KIFBP: variants seen among roughly 807,000 people sequenced by gnomAD.
KIFBP encodes the protein kinesin family binding protein.
Under a neutral mutation model 58.9 loss-of-function variants are expected in KIFBP, and 46 were observed. The observed-to-expected ratio is 0.78, with a 90% CI of 0.62 to 1.00. The LOEUF is 1.00. Among genes scored for constraint, KIFBP ranks in the 50% least tolerant of loss-of-function variants. The pLI, the probability that KIFBP is intolerant of heterozygous loss-of-function variation, is 0.00. For synonymous variants in KIFBP, 241 were observed against 283.4 expected (o/e 0.85, Z 1.50); for missense variants, 651 against 752.9 (o/e 0.86, Z 1.58).
chr10:68,991,433 C>A, intron 1 of KIFBP: 1 of 365,748 alleles, frequency 2.7e-6, no homozygotes, highest in Non-Finnish European at 5.7e-6. Context: ...AAAAAGATTG[C>A]AATTATCTGT....
intron 1 of KIFBP, among the ~76,000 whole-genome samples, chr10:68,997,284 T>C (rs1356109481): frequency 6.6e-6 from 1 of 152,204 alleles, no homozygotes; most frequent in East Asian, 1.9e-4. Context: ...AAGGGTGATA[T>C]GGTTTGGCTC....
At chr10:68,996,781 A>T (rs1208072852) in intron 1 of KIFBP, among the ~76,000 whole-genome samples, 1 of 152,022 alleles carries the variant, frequency 6.6e-6, no homozygotes, top group Non-Finnish European at 1.5e-5. Context: ...TGAACCCAGG[A>T]GGTGGAGGTT....
In KIFBP at chr10:69,015,538, C is replaced by T. The variant is rs1037710551; in HGVS notation, c.991-3C>T. 1.2e-5 allele frequency: 19 copies of T among 1,609,716 alleles called. No individual in the cohort carries two copies. The highest frequency in any genetic ancestry group is 3.4e-5 in the Admixed American group (2 of 58,948). On this transcript the variant is annotated splice_polypyrimidine_tract_variant and splice_region_variant and intron_variant, in intron 6 of 6. Coordinates refer to ENST00000361983, the MANE Select transcript of KIFBP (RefSeq NM_015634.4). ...AACCATAATTTATTTTTTTTTCCTTCAGGACAACATAGGAGAGCTTGATCT... is the reference window on the plus strand; with the variant it reads ...AACCATAATTTATTTTTTTTTCCTTTAGGACAACATAGGAGAGCTTGATCT...
At chr10:69,012,144 T>C (rs1244301795) in intron 6 of KIFBP, among the ~76,000 whole-genome samples, 1 of 152,176 alleles carries the variant, frequency 6.6e-6, no homozygotes, top group African/African-American at 2.4e-5. Flanking sequence ...GGACTTGAAA[T>C]ACACTAGGTA....
rs79885795 is a variant in KIFBP at position 68,992,976 on chromosome 10, G to A, written c.426+3718G>A. Among the ~76,000 whole-genome samples, 338 of 152,202 alleles carry A rather than the reference G, an allele frequency of 2.2e-3. 2 individuals carry two copies. Among genetic ancestry groups the A allele is most frequent in the African/African-American group, 7.6e-3 (317 of 41,524 alleles). ...ACTGAACCTCCACAGAGAGCATGTG[G>A]TGCCCCTGCCCTTTCAAGATAATTT... is the stretch of plus-strand genomic sequence containing the variant. On this transcript the variant is annotated intron_variant, in intron 1 of 6. Transcript: ENST00000361983.
intron 6 of KIFBP, among the ~76,000 whole-genome samples, chr10:69,014,072 A>G (rs1038690984): frequency 1.3e-5 from 2 of 152,090 alleles, no homozygotes; most frequent in African/African-American, 4.8e-5. Flanking sequence ...TTTTAACCTT[A>G]ACTTCATCCT....
rs151310335 is a variant in KIFBP, at chr10:69,013,277, A to C, written c.990+2262A>C. 2.3e-3 allele frequency among the ~76,000 whole-genome samples: 344 copies of C among 152,310 alleles called. 1 individual carries two copies. Among genetic ancestry groups the C allele is most frequent in the African/African-American group, 7.9e-3 (327 of 41,556 alleles). On this transcript the variant is annotated intron_variant, in intron 6 of 6. Coordinates refer to ENST00000361983, the MANE Select transcript of KIFBP (RefSeq NM_015634.4). ...AAACTACTAAACGAAAGAAAACCAAACAAACAAACCTCAACACATCAGAAG... is the reference window on the plus strand; with the variant it reads ...AAACTACTAAACGAAAGAAAACCAACCAAACAAACCTCAACACATCAGAAG...
At position 68,990,863 on chromosome 10, in the gene KIFBP, ATTCCGTTACATCC is replaced by A. The variant is rs1428541345; in HGVS notation, c.426+1606_426+1618del. Among the ~76,000 whole-genome samples the A allele has an allele frequency of 2.6e-5, 4 of 152,266 alleles. No individual in the cohort carries two copies. The East Asian group carries it at 7.7e-4, about 29-fold the overall frequency. ...TAAATGTCAGTAGGAATATGATTAA[ATTCCGTTACATCC>A]AAACAGAAGAACAGTACACAATTAT... On this transcript the variant is annotated intron_variant, in intron 1 of 6. Coordinates refer to ENST00000361983, the MANE Select transcript of KIFBP (RefSeq NM_015634.4).
rs1391894394 is a variant in KIFBP at position 69,015,853 on chromosome 10, T to G, written c.1303T>G (p.Phe435Val). 1.1e-5 allele frequency: 17 copies of G among 1,614,208 alleles called. No individual in the cohort carries two copies. The highest frequency in any genetic ancestry group is 1.4e-5 in the Non-Finnish European group (17 of 1,180,036). ...CAGTGCTCTGTTTAAGGTGCTTGCA[T>G]TCTTTGAAACTGACATGGAGAGACG... ...DHSALFKVLA[F>V]FETDMERRCK... The change falls in exon 7 of 7, where the codon TTC becomes GTC. Residue 435 changes from phenylalanine (F) to valine (V), a missense_variant. Coordinates refer to ENST00000361983, the MANE Select transcript of KIFBP (RefSeq NM_015634.4).
rs528199907 is a variant in KIFBP at position 69,015,339 on chromosome 10, T to A, written c.991-202T>A. 3.9e-4 allele frequency: 218 copies of A among 552,994 alleles called. 2 individuals are homozygous for A. The East Asian group carries it at 6.6e-3, about 17-fold the overall frequency. The allele number at this position is 552,994 out of a possible 1,614,324, so 34.3% of individuals were successfully genotyped here. A position where few individuals can be genotyped will look rare whatever the true frequency, so the allele number is the denominator to read the frequency against. ...AGCAGCTTGTCTATTTAAATACTTTTTTTTCCACATTTCTTGAGTTTTTAA... is the reference window on the plus strand; with the variant it reads ...AGCAGCTTGTCTATTTAAATACTTTATTTTCCACATTTCTTGAGTTTTTAA... On this transcript the variant is annotated intron_variant, in intron 6 of 6. Transcript: ENST00000361983.
intron 6 of KIFBP, 135 bp from the exon 7 acceptor site, chr10:69,015,400 TTTAAGA>T: frequency 1.4e-6 from 1 of 723,612 alleles, no homozygotes; most frequent in Non-Finnish European, 2.2e-6. Flanking sequence ...TTCAAAGGTG[TTTAAGA>T]TTATGATACC....
At chr10:69,006,056 A>C (rs1843532072) in intron 4 of KIFBP, 141 bp downstream of exon 4, 1 of 740,846 alleles carries the variant, frequency 1.3e-6, no homozygotes, top group South Asian at 1.9e-5. Flanking sequence ...AATGCAGCCC[A>C]GTTTGCCCGT....
chr10:69,015,129 G>A (rs1282741753), intron 6 of KIFBP, among the ~76,000 whole-genome samples: 4 of 151,986 alleles, frequency 2.6e-5, no homozygotes, highest in Admixed American at 1.3e-4. Context: ...TCACTATGTT[G>A]GCCAGGCTGG....
chr10:68,990,649 G>A (rs1843332961), intron 1 of KIFBP, among the ~76,000 whole-genome samples: 1 of 152,106 alleles, frequency 6.6e-6, no homozygotes, highest in Admixed American at 6.6e-5. Flanking sequence ...ATAATATTGG[G>A]ACAGGTGAAC....
chr10:68,989,097 C>T lies in KIFBP; in HGVS notation c.265C>T (p.Gln89Ter). ...EVVEPEGPVAQRAVRLAVIEF... is the reference protein window; with the variant it reads ...EVVEPEGPVA ...GGTGGAGCCCGAGGGGCCCGTCGCC[C>T]AGCGAGCGGTGAGGCTGGCAGTCAT... The change falls in exon 1 of 7, where the codon CAG becomes TAG. Residue 89 changes from glutamine (Q) to a stop codon, truncating the protein, a stop_gained. Transcript: ENST00000361983. LOFTEE classifies it high-confidence loss of function. The T allele has an allele frequency of 3.1e-6, 5 of 1,610,728 alleles. No individual in the cohort carries two copies. Among genetic ancestry groups the T allele is most frequent in the Non-Finnish European group, 4.2e-6 (5 of 1,177,928 alleles).
intron 5 of KIFBP, 26 bp downstream of exon 5, chr10:69,008,951 A>C (rs1439552883): frequency 6.4e-7 from 1 of 1,559,978 alleles, no homozygotes; most frequent in African/African-American, 1.4e-5. Flanking sequence ...CATGTTTTAC[A>C]TAGCTTTTAA....
chr10:68,998,708 G>A (rs1179289950), intron 1 of KIFBP, among the ~76,000 whole-genome samples: 1 of 148,650 alleles, frequency 6.7e-6, no homozygotes, highest in African/African-American at 2.5e-5. Context: ...TCCAAGGGAA[G>A]TGAGGTAGAC....
At position 69,008,509 on chromosome 10, in the gene KIFBP, C is replaced by T. The variant is rs111272490; in HGVS notation, c.790-332C>T. 4.9e-3 allele frequency among the ~76,000 whole-genome samples: 722 copies of T among 147,286 alleles called. 8 individuals are homozygous for T. The highest frequency in any genetic ancestry group is 0.017 in the African/African-American group (683 of 39,598). Reference sequence around the variant, plus strand: ...ACTGAACCTAAAGGAGTTTTTGAGACAGTTTAAGTCTAGGATGACAGCCAT... The same window carrying T: ...ACTGAACCTAAAGGAGTTTTTGAGATAGTTTAAGTCTAGGATGACAGCCAT... On this transcript the variant is annotated intron_variant, in intron 4 of 6. Transcript: ENST00000361983.
intron 1 of KIFBP, 141 bp downstream of exon 1, chr10:68,989,399 C>A: frequency 2.2e-6 from 2 of 913,100 alleles, no homozygotes; most frequent in Non-Finnish European, 3.4e-6. Context: ...TCCCAAAGAG[C>A]GTCTGTGGTC....
Sources: allele counts gnomAD v4.1 joint callset (sites outside exome capture counted in the v4.1 genomes callset), GRCh38; gene constraint gnomAD v4.1.1; transcripts MANE v1.5; gene names NCBI Gene and HGNC (gene_info 2026-07-23, HGNC 2026-07-21).